The following EEPD1 variants were observed in gnomAD, a reference collection of about 807,000 sequenced individuals.
EEPD1 encodes endonuclease/exonuclease/phosphatase family domain containing 1.
Under a neutral mutation model 46.3 loss-of-function variants are expected in EEPD1, and 17 were observed. The observed-to-expected ratio is 0.37, with a 90% CI of 0.25 to 0.55. The LOEUF (loss-of-function observed/expected upper bound fraction) is 0.55, where lower values mean the gene tolerates loss of function less well. Among genes scored for constraint, EEPD1 ranks in the 20% least tolerant of loss-of-function variants. The pLI is 0.83. For missense variants in EEPD1, 673 were observed against 745.6 expected, an observed-to-expected ratio of 0.90 and a Z score of 1.13; for synonymous variants, 313 against 315.6, an observed-to-expected ratio of 0.99 and a Z score of 0.09.
intron 3 of EEPD1, among the ~76,000 whole-genome samples, chr7:36,278,174 A>G (rs966500731): frequency 6.6e-6 from 1 of 152,114 alleles, no homozygotes; most frequent in Non-Finnish European, 1.5e-5. Context: ...CACTGTGACC[A>G]GCTCAAAAGA....
At chr7:36,179,678 G>A (rs1166776985) in intron 2 of EEPD1, among the ~76,000 whole-genome samples, 2 of 131,574 alleles carry the variant, frequency 1.5e-5, no homozygotes, top group Non-Finnish European at 3.1e-5. Context: ...TGGCCAACAT[G>A]GTAAAACCCT....
chr7:36,188,502 G>A (rs1013026126), intron 2 of EEPD1, among the ~76,000 whole-genome samples: 7 of 152,186 alleles, frequency 4.6e-5, no homozygotes, highest in African/African-American at 1.7e-4. Flanking sequence ...GCAGCTGGCT[G>A]GAGCCAGCGG....
At chr7:36,230,835 A>C (rs1786311861) in intron 2 of EEPD1, 1 of 152,210 alleles carries the variant, frequency 6.6e-6, no homozygotes, top group Admixed American at 6.5e-5. Flanking sequence ...GCATAACCTT[A>C]GATATTTTAT....
chr7:36,233,643 C>T (rs1430172777), intron 2 of EEPD1, among the ~76,000 whole-genome samples: 1 of 152,154 alleles, frequency 6.6e-6, no homozygotes, highest in Non-Finnish European at 1.5e-5. Context: ...ATATTGTGAT[C>T]TGGGATGCTG....
At chr7:36,296,405 G>A (rs1481870272) in intron 6 of EEPD1, among the ~76,000 whole-genome samples, 2 of 152,120 alleles carry the variant, frequency 1.3e-5, no homozygotes, top group Non-Finnish European at 2.9e-5. Context: ...TAGCTCCCTG[G>A]CCTTGCATAG....
intron 3 of EEPD1, among the ~76,000 whole-genome samples, chr7:36,275,193 C>A (rs1286543668): frequency 6.6e-6 from 1 of 152,212 alleles, no homozygotes; most frequent in Non-Finnish European, 1.5e-5. Context: ...TGAAAACATG[C>A]CCTCCCCACC....
intron 3 of EEPD1, among the ~76,000 whole-genome samples, chr7:36,271,233 G>A (rs148684987): frequency 0.011 from 1,688 of 152,112 alleles, 20 homozygotes; most frequent in African/African-American, 0.038. Context: ...TGATCTGCCC[G>A]CCTTGCTGGG....
chr7:36,229,073 C>T (rs766595973), intron 2 of EEPD1, among the ~76,000 whole-genome samples: 6 of 152,144 alleles, frequency 3.9e-5, no homozygotes, highest in East Asian at 1.9e-4. Flanking sequence ...AAGGCACGTG[C>T]GGAAACCCCT....
chr7:36,283,224 G>A (rs752146709), intron 4 of EEPD1, among the ~76,000 whole-genome samples: 23 of 152,224 alleles, frequency 1.5e-4, no homozygotes, highest in Non-Finnish European at 2.9e-4. Flanking sequence ...TGGAGGAGAG[G>A]GGAGCGCCTA....
intron 2 of EEPD1, among the ~76,000 whole-genome samples, chr7:36,178,898 A>C (rs1785227695): frequency 6.6e-6 from 1 of 152,238 alleles, no homozygotes; most frequent in South Asian, 2.1e-4. Flanking sequence ...AAAAGCCTAA[A>C]GTCTAGAACC....
At position 36,273,800 on chromosome 7, in the gene EEPD1, C is replaced by T. The variant is rs1192087612; in HGVS notation, c.931-7315C>T. 5.3e-5 allele frequency among the ~76,000 whole-genome samples: 8 copies of T among 152,304 alleles called. No individual in the cohort carries two copies. The East Asian group carries it at 1.5e-3, about 29-fold the overall frequency. ...TGATGTGTGCAGGGTCCCAGAGCTC[C>T]TCTGTGCTCCTCTCCTTCCACCCAT... On this transcript the variant is annotated intron_variant, in intron 3 of 7. Coordinates refer to ENST00000242108, the MANE Select transcript of EEPD1 (RefSeq NM_030636.3).
intron 2 of EEPD1, among the ~76,000 whole-genome samples, chr7:36,220,919 C>A (rs1039137811): frequency 6.6e-6 from 1 of 152,152 alleles, no homozygotes; most frequent in Non-Finnish European, 1.5e-5. Context: ...CCAGCCTCAG[C>A]CTCCTGAGTA....
intron 2 of EEPD1, among the ~76,000 whole-genome samples, chr7:36,165,782 A>G (rs1359331697): frequency 6.6e-6 from 1 of 151,976 alleles, no homozygotes; most frequent in Non-Finnish European, 1.5e-5. Context: ...TAAACGGTAC[A>G]TGATTGTATT....
At chr7:36,298,949 C>T in intron 7 of EEPD1, 58 bp from the exon 8 acceptor site, 1 of 1,579,784 alleles carries the variant, frequency 6.3e-7, no homozygotes, top group African/African-American at 1.3e-5. Flanking sequence ...CAATCCAGGA[C>T]CTCCCGCACC....
chr7:36,170,032 C>T (rs1268992830), intron 2 of EEPD1, among the ~76,000 whole-genome samples: 1 of 152,204 alleles, frequency 6.6e-6, no homozygotes, highest in African/African-American at 2.4e-5. Flanking sequence ...GGCCCTTGGG[C>T]CAGGAAATAA....
chr7:36,192,533 A>G (rs1461135882), intron 2 of EEPD1, among the ~76,000 whole-genome samples: 4 of 152,176 alleles, frequency 2.6e-5, no homozygotes, highest in African/African-American at 4.8e-5. Flanking sequence ...AAAATTAACA[A>G]TTACATACAT....
intron 2 of EEPD1, among the ~76,000 whole-genome samples, chr7:36,219,265 A>C (rs1170104735): frequency 2.0e-5 from 3 of 151,934 alleles, no homozygotes; most frequent in Admixed American, 2.0e-4. Context: ...AAAATTCAAA[A>C]TTTAAACGTT....
intron 1 of EEPD1, 61 bp downstream of exon 1, chr7:36,153,735 C>T (rs934925383): frequency 1.3e-5 from 2 of 152,812 alleles, no homozygotes; most frequent in Non-Finnish European, 2.9e-5. Context: ...TCTCAGTGCC[C>T]GCTCCGGGGA....
At chr7:36,266,544 A>G (rs1266564512) in intron 3 of EEPD1, among the ~76,000 whole-genome samples, 1 of 152,186 alleles carries the variant, frequency 6.6e-6, no homozygotes, top group Non-Finnish European at 1.5e-5. Flanking sequence ...CTAGCCCATC[A>G]CTCAAGTCAC....
Sources: gnomAD v4.1 joint callset for allele counts (sites outside exome capture counted in the v4.1 genomes callset) on GRCh38, gnomAD v4.1.1 for gene constraint, MANE v1.5 for transcripts, NCBI Gene and HGNC (gene_info 2026-07-23, HGNC 2026-07-21) for gene names.